The following VIT variants were observed in gnomAD, a reference collection of about 807,000 sequenced individuals.
The protein encoded by VIT is vitrin.
In VIT, 99 loss-of-function variants were observed where a neutral mutation model predicts 78.0. The ratio of observed to expected loss-of-function variants is 1.27; its 90% CI spans 1.08 to 1.50. VIT has a LOEUF of 1.50. VIT is among the 40% of genes most tolerant of loss of function. VIT has a pLI of 0.00. For synonymous variants in VIT, 374 were observed against 334.3 expected (o/e 1.12, Z -1.29); for missense variants, 1,126 against 875.3 (o/e 1.29, Z -3.61).
chr2:36,742,251 T>C (rs1023830236), intron 3 of VIT, among the ~76,000 whole-genome samples: 3 of 152,140 alleles, frequency 2.0e-5, no homozygotes, highest in Admixed American at 6.6e-5. Context: ...CAATAGAGCA[T>C]CTACTCCACC....
intron 5 of VIT, among the ~76,000 whole-genome samples, chr2:36,756,201 G>A (rs943922504): frequency 3.3e-5 from 5 of 151,822 alleles, no homozygotes; most frequent in African/African-American, 7.3e-5. Flanking sequence ...CAGGTGATCC[G>A]CCCACCTCGG....
intron 6 of VIT, among the ~76,000 whole-genome samples, chr2:36,760,388 TTTCTC>T (rs145477124): frequency 0.037 from 5,590 of 152,256 alleles, 348 homozygotes; most frequent in African/African-American, 0.13. Context: ...TTTTTTGTCT[TTTCTC>T]TTAATTACTG....
intron 11 of VIT, among the ~76,000 whole-genome samples, chr2:36,783,654 G>C (rs1441266763): frequency 6.6e-6 from 1 of 152,208 alleles, no homozygotes; most frequent in African/African-American, 2.4e-5. Flanking sequence ...GGATGGAACG[G>C]AAAGACAAGG....
rs534936100 is a variant in VIT, at chr2:36,787,570, T to G, written c.1058+294T>G. On this transcript the variant is annotated intron_variant, in intron 12 of 15. Coordinates refer to ENST00000379242, the MANE Select transcript of VIT (RefSeq NM_053276.4). ...GGAGAGATGCGTGTGAGTGTTAACT[T>G]AGCCAATAACCAGCTCTGTGGCCTT... Among the ~76,000 whole-genome samples the G allele has an allele frequency of 3.9e-5, 6 of 152,338 alleles. No homozygotes were observed. The South Asian group carries it at 1.0e-3, about 26-fold the overall frequency.
chr2:36,777,690 G>A (rs1670157019), intron 9 of VIT, among the ~76,000 whole-genome samples: 1 of 152,052 alleles, frequency 6.6e-6, no homozygotes, highest in South Asian at 2.1e-4. Flanking sequence ...AGACACAATC[G>A]AGTTTTTGAA....
At chr2:36,743,590 T>C (rs186683523) in intron 4 of VIT, among the ~76,000 whole-genome samples, 1 of 152,362 alleles carries the variant, frequency 6.6e-6, no homozygotes, top group Non-Finnish European at 1.5e-5. Flanking sequence ...TTATCATTTG[T>C]TCTCAAAGAT....
intron 9 of VIT, 74 bp downstream of exon 9, chr2:36,775,141 C>T (rs1669977122): frequency 1.3e-6 from 2 of 1,548,716 alleles, no homozygotes; most frequent in South Asian, 1.2e-5. Context: ...ATGAGGACCT[C>T]CCCACACACT....
chr2:36,705,030 A>G (rs926230444), intron 1 of VIT, among the ~76,000 whole-genome samples: 1 of 152,200 alleles, frequency 6.6e-6, no homozygotes, highest in Admixed American at 6.5e-5. Context: ...TGGCAACTAC[A>G]AACCTCAAAG....
rs1322896786 is a variant in VIT, at chr2:36,716,366, T to C, written c.-5T>C. The stretch of plus-strand genomic sequence containing the variant: ...CTTTCTCTCCAGGGTGTCATTCTGA[T>C]ATTTATGAGGACTGTTGTTCTCACT... On this transcript the variant is annotated 5_prime_UTR_variant, in exon 2 of 16. Coordinates refer to ENST00000379242, the MANE Select transcript of VIT (RefSeq NM_053276.4). 1.2e-6 allele frequency: 2 copies of C among 1,613,730 alleles called. No individual in the cohort carries two copies. The highest frequency in any genetic ancestry group is 1.7e-6 in the Non-Finnish European group (2 of 1,179,830).
At chr2:36,791,040 C>T (rs116325149) in intron 12 of VIT, among the ~76,000 whole-genome samples, 203 of 152,338 alleles carry the variant, frequency 1.3e-3, no homozygotes, top group Middle Eastern at 3.4e-3. Flanking sequence ...AGGCCCCCAT[C>T]TCAGTATAAA....
chr2:36,747,170 G>C (rs765018334), intron 4 of VIT, among the ~76,000 whole-genome samples: 6 of 152,060 alleles, frequency 3.9e-5, no homozygotes, highest in East Asian at 1.9e-4. Flanking sequence ...AGTATGATTG[G>C]TGTGATTTCA....
At chr2:36,761,314 C>A (rs1427935125) in intron 6 of VIT, among the ~76,000 whole-genome samples, 1 of 152,162 alleles carries the variant, frequency 6.6e-6, no homozygotes, top group African/African-American at 2.4e-5. Context: ...AAGGTGGCTT[C>A]TGACCCCTCC....
At chr2:36,700,265 G>A (rs1558496398) in intron 1 of VIT, among the ~76,000 whole-genome samples, 1 of 152,132 alleles carries the variant, frequency 6.6e-6, no homozygotes, top group Non-Finnish European at 1.5e-5. Context: ...CGTAATCTGA[G>A]AAACCTCAAA....
chr2:36,790,427 G>A (rs1223295397), intron 12 of VIT, among the ~76,000 whole-genome samples: 1 of 152,132 alleles, frequency 6.6e-6, no homozygotes, highest in Non-Finnish European at 1.5e-5. Context: ...CCTACCTCTG[G>A]TCTGGGCCCA....
chr2:36,749,825 T>C (rs751968148), intron 4 of VIT, among the ~76,000 whole-genome samples: 1 of 152,218 alleles, frequency 6.6e-6, no homozygotes, highest in Non-Finnish European at 1.5e-5. Context: ...AGTGGGTTGA[T>C]TGTTCAGTTG....
intron 4 of VIT, among the ~76,000 whole-genome samples, chr2:36,750,512 C>T (rs541780657): frequency 2.0e-5 from 3 of 152,164 alleles, no homozygotes; most frequent in Non-Finnish European, 4.4e-5. Flanking sequence ...TTTGACCTCA[C>T]CAAAGATGAC....
intron 6 of VIT, 49 bp downstream of exon 6, chr2:36,759,095 C>G (rs61745550): frequency 6.2e-7 from 1 of 1,614,074 alleles, no homozygotes; most frequent in African/African-American, 1.3e-5. Context: ...TCCATGAACA[C>G]GCGACGTGTT....
chr2:36,701,590 G>A (rs1334056991), intron 1 of VIT, among the ~76,000 whole-genome samples: 1 of 150,878 alleles, frequency 6.6e-6, no homozygotes, highest in Non-Finnish European at 1.5e-5. Flanking sequence ...AAGGCATTCT[G>A]TTTCTACATT....
intron 10 of VIT, 79 bp downstream of exon 10, chr2:36,781,850 G>C (rs1664783201): frequency 4.5e-6 from 7 of 1,561,516 alleles, no homozygotes; most frequent in Non-Finnish European, 6.2e-6. Context: ...TAATAATCCA[G>C]CTGGCATAGC....
Sources: allele counts gnomAD v4.1 joint callset (sites outside exome capture counted in the v4.1 genomes callset), GRCh38; gene constraint gnomAD v4.1.1; transcripts MANE v1.5; gene names NCBI Gene and HGNC (gene_info 2026-07-23, HGNC 2026-07-21).